The following CPQ variants were observed in gnomAD, a reference collection of about 807,000 sequenced individuals.
CPQ encodes the protein Ser-Met dipeptidase.
A neutral mutation model predicts 45.7 loss-of-function variants in CPQ; 37 were observed. That is an observed-to-expected ratio of 0.81 (90% CI 0.62 to 1.07). The LOEUF is 1.07. Among genes scored for constraint, CPQ ranks in the 50% least tolerant of loss-of-function variants. The pLI is 0.00. For synonymous variants in CPQ, 186 were observed against 205.8 expected, an observed-to-expected ratio of 0.90 and a Z score of 0.82; for missense variants, 537 against 572.9, an observed-to-expected ratio of 0.94 and a Z score of 0.64.
chr8:97,125,168 A>G (rs1811827788), intron 7 of CPQ, among the ~76,000 whole-genome samples: 1 of 152,152 alleles, frequency 6.6e-6, no homozygotes. Flanking sequence ...AATTCCTTAA[A>G]AGACAAATTG....
intron 4 of CPQ, among the ~76,000 whole-genome samples, chr8:96,934,661 C>T (rs1319490909): frequency 6.6e-6 from 1 of 152,148 alleles, no homozygotes; most frequent in Non-Finnish European, 1.5e-5. Flanking sequence ...GCCACCTGGG[C>T]TAAACAAGCC....
At chr8:97,052,134 A>AT (rs1328166882) in intron 6 of CPQ, among the ~76,000 whole-genome samples, 1 of 152,044 alleles carries the variant, frequency 6.6e-6, no homozygotes, top group Non-Finnish European at 1.5e-5. Context: ...TACCATAGCT[A>AT]TTTTCCTCTT....
At position 96,680,842 on chromosome 8, in the gene CPQ, G is replaced by A. The variant is rs189478835; in HGVS notation, c.-35+35440G>A. Among the ~76,000 whole-genome samples, 42 of 152,270 alleles carry A rather than the reference G, an allele frequency of 2.8e-4. No homozygotes were observed. The Middle Eastern group carries it at 0.014, about 49-fold the overall frequency. ...ATATGGACAATGAAATCCAGACTGA[G>A]GTGGTCTTGGATGGAGATGAGGAAC... On this transcript the variant is annotated intron_variant, in intron 1 of 7. Transcript: ENST00000220763.
In CPQ at chr8:97,114,087, A is replaced by G. The variant is rs191092606; in HGVS notation, c.1256-28933A>G. 7.5e-4 allele frequency among the ~76,000 whole-genome samples: 115 copies of G among 152,344 alleles called. 1 individual carries two copies. The East Asian group carries it at 0.019, about 25-fold the overall frequency. ...GGGATTTCATAATACTCCCAACCCC[A>G]GGCACCAGATTTGTGTAATTGCAGT... is the stretch of plus-strand genomic sequence containing the variant. On this transcript the variant is annotated intron_variant, in intron 7 of 7. Transcript: ENST00000220763.
Position 96,785,080 on chromosome 8 carries a change from C to A in CPQ, c.183C>A (p.Asn61Lys). The A allele has an allele frequency of 2.5e-6, 4 of 1,613,798 alleles. No homozygotes were observed. Among genetic ancestry groups the A allele is most frequent in the Non-Finnish European group, 2.5e-6 (3 of 1,179,846 alleles). ...TAGCTGTTTATGGTAAAGCCCAGAA[C>A]AGATCCTATGAGCGATTGGCACTTC... Reference protein sequence around the residue: ...INLAVYGKAQNRSYERLALLV... With the variant: ...INLAVYGKAQKRSYERLALLV... Residue 61 changes from asparagine to lysine, a missense_variant, in exon 2 of 8, where the codon AAC becomes AAA. By Grantham distance (94) the Asn-to-Lys change is moderately conservative. Transcript: ENST00000220763.
intron 1 of CPQ, among the ~76,000 whole-genome samples, chr8:96,730,199 A>G (rs938337018): frequency 1.3e-5 from 2 of 152,254 alleles, no homozygotes; most frequent in Non-Finnish European, 2.9e-5. Flanking sequence ...TTGCCAGGCC[A>G]TAGATAGCAC....
intron 5 of CPQ, among the ~76,000 whole-genome samples, chr8:96,967,562 A>G (rs1018377700): frequency 6.6e-6 from 1 of 152,232 alleles, no homozygotes; most frequent in African/African-American, 2.4e-5. Context: ...ATACCATGCA[A>G]AAGTGAATTG....
At position 97,074,509 on chromosome 8, in the gene CPQ, C is replaced by T. The variant is rs191588806; in HGVS notation, c.1255+8299C>T. ...TGGACAGGCCAGGCACGGTGGCCCA[C>T]GCCTGTAATCCCAGGACTTTGGGAG... On this transcript the variant is annotated intron_variant, in intron 7 of 7. Coordinates refer to ENST00000220763, the MANE Select transcript of CPQ (RefSeq NM_016134.4). 1.3e-4 allele frequency among the ~76,000 whole-genome samples: 20 copies of T among 152,190 alleles called. No homozygotes were observed. The South Asian group carries it at 2.5e-3, about 19-fold the overall frequency.
At chr8:96,957,687 T>C (rs1265234451) in intron 4 of CPQ, among the ~76,000 whole-genome samples, 1 of 151,834 alleles carries the variant, frequency 6.6e-6, no homozygotes, top group Non-Finnish European at 1.5e-5. Context: ...TAATCCCAGC[T>C]ACTCAGGAGG....
intron 5 of CPQ, among the ~76,000 whole-genome samples, chr8:97,022,978 G>GTATA (rs1231255519): frequency 9.0e-3 from 405 of 45,122 alleles, no homozygotes; most frequent in Non-Finnish European, 0.023. Flanking sequence ...TATATATACT[G>GTATA]TATATAGTAT....
chr8:97,114,448 G>A (rs1811548831), intron 7 of CPQ, among the ~76,000 whole-genome samples: 1 of 152,162 alleles, frequency 6.6e-6, no homozygotes, highest in African/African-American at 2.4e-5. Context: ...CATGTTTTCA[G>A]GATTAAGTGA....
chr8:96,841,488 T>C (rs1811608112), intron 3 of CPQ, among the ~76,000 whole-genome samples: 1 of 152,200 alleles, frequency 6.6e-6, no homozygotes, highest in Non-Finnish European at 1.5e-5. Context: ...CACACATACA[T>C]TTTTTCCTAG....
In CPQ at chr8:96,835,149, A is replaced by G. The variant is rs113247437; in HGVS notation, c.610A>G (p.Ile204Val). Residue 204 changes from isoleucine (I) to valine (V), a missense_variant, in exon 3 of 8, where the codon ATT becomes GTT. Ile to Val is a conservative substitution (Grantham distance 29, BLOSUM62 3). Transcript: ENST00000220763. ...AAKVGALASL[I>V]RSVASFSIYS... ...CAAGGTGGGGGCTTTGGCATCTCTC[A>G]TTCGATCCGTGGCCTCCTTCTCCAT... 9.9e-4 allele frequency: 1,537 copies of G among 1,553,936 alleles called. 19 individuals carry two copies. In the African/African-American group the frequency reaches 0.019, roughly 19 times the overall value.
At chr8:96,812,705 C>G (rs1386128621) in intron 2 of CPQ, among the ~76,000 whole-genome samples, 1 of 151,914 alleles carries the variant, frequency 6.6e-6, no homozygotes, top group Non-Finnish European at 1.5e-5. Flanking sequence ...TTCTTAAAAT[C>G]CTGGAGCGGC....
At chr8:97,036,063 G>A (rs987021169) in intron 6 of CPQ, among the ~76,000 whole-genome samples, 3 of 152,102 alleles carry the variant, frequency 2.0e-5, no homozygotes, top group African/African-American at 7.2e-5. Flanking sequence ...GAGACCAAAG[G>A]CCTTTTTACC....
intron 5 of CPQ, among the ~76,000 whole-genome samples, chr8:96,983,296 G>A (rs963415957): frequency 6.6e-6 from 1 of 152,060 alleles, no homozygotes; most frequent in Admixed American, 6.6e-5. Flanking sequence ...ATTTTCTAAT[G>A]TATACACTTA....
At chr8:96,796,385 A>G (rs1335727848) in intron 2 of CPQ, among the ~76,000 whole-genome samples, 1 of 152,186 alleles carries the variant, frequency 6.6e-6, no homozygotes, top group Non-Finnish European at 1.5e-5. Flanking sequence ...ATTATTAATG[A>G]ATTATTTTAA....
intron 7 of CPQ, among the ~76,000 whole-genome samples, chr8:97,134,417 G>A (rs1217815166): frequency 6.6e-6 from 1 of 152,252 alleles, no homozygotes; most frequent in African/African-American, 2.4e-5. Context: ...TAGACTGAAC[G>A]ATCAGGGAGT....
At chr8:97,067,238 C>A (rs1193799758) in intron 7 of CPQ, among the ~76,000 whole-genome samples, 2 of 152,008 alleles carry the variant, frequency 1.3e-5, no homozygotes, top group Non-Finnish European at 2.9e-5. Flanking sequence ...CTAGAACAGT[C>A]TTAAAGAAGA....
Sources: gnomAD v4.1 joint callset for allele counts (sites outside exome capture counted in the v4.1 genomes callset) on GRCh38, gnomAD v4.1.1 for gene constraint, MANE v1.5 for transcripts, NCBI Gene and HGNC (gene_info 2026-07-23, HGNC 2026-07-21) for gene names.